The following CNTNAP5 variants were observed in gnomAD, a reference collection of about 807,000 sequenced individuals.
The protein encoded by CNTNAP5 is contactin-associated protein-like 5.
Under a neutral mutation model 150.2 loss-of-function variants are expected in CNTNAP5, and 72 were observed. The ratio of observed to expected loss-of-function variants is 0.48; its 90% CI spans 0.40 to 0.58. The LOEUF (loss-of-function observed/expected upper bound fraction) is 0.58, where lower values mean the gene tolerates loss of function less well. Among genes scored for constraint, CNTNAP5 ranks in the 20% least tolerant of loss-of-function variants. CNTNAP5 has a pLI of 0.00. For synonymous variants in CNTNAP5, 672 were observed against 619.8 expected (o/e 1.08, Z -1.25); for missense variants, 1,636 against 1,626.2 (o/e 1.01, Z -0.10).
chr2:124,239,188 AT>A (rs148569538), intron 2 of CNTNAP5, among the ~76,000 whole-genome samples: 28,285 of 151,874 alleles, frequency 0.19, 2,956 homozygotes, highest in East Asian at 0.35. Context: ...ATCATTCTCT[AT>A]TTTTTTGTTT....
intron 1 of CNTNAP5, among the ~76,000 whole-genome samples, chr2:124,061,020 T>A (rs1681996738): frequency 6.6e-6 from 1 of 152,080 alleles, no homozygotes; most frequent in South Asian, 2.1e-4. Flanking sequence ...ATTTACTGCA[T>A]CAACCAAGAT....
intron 19 of CNTNAP5, among the ~76,000 whole-genome samples, chr2:124,816,828 G>C (rs1466457286): frequency 6.6e-6 from 1 of 152,108 alleles, no homozygotes; most frequent in Non-Finnish European, 1.5e-5. Flanking sequence ...TGTATGTATG[G>C]ATGAGTCTTT....
At chr2:124,190,263 A>G (rs1189879657) in intron 1 of CNTNAP5, among the ~76,000 whole-genome samples, 1 of 152,206 alleles carries the variant, frequency 6.6e-6, no homozygotes, top group East Asian at 1.9e-4. Context: ...ATTGGTAGCA[A>G]TGATGTTTTT....
intron 3 of CNTNAP5, among the ~76,000 whole-genome samples, chr2:124,385,983 A>G (rs1294874319): frequency 6.6e-6 from 1 of 150,512 alleles, no homozygotes; most frequent in African/African-American, 2.4e-5. Context: ...TTGAGCACGT[A>G]GACAACATCG....
At chr2:124,031,820 G>C (rs1005888574) in intron 1 of CNTNAP5, among the ~76,000 whole-genome samples, 1 of 152,110 alleles carries the variant, frequency 6.6e-6, no homozygotes, top group Non-Finnish European at 1.5e-5. Context: ...ACTCAATGGG[G>C]CTTTATTAAT....
Position 124,038,247 on chromosome 2 carries a change from A to G in CNTNAP5, c.82+12515A>G, listed in dbSNP as rs558705516. On this transcript the variant is annotated intron_variant, in intron 1 of 23. Transcript: ENST00000682447. ...CATACCTGCTTTCATTGTCAGCTGT[A>G]TAGAAAACCACAGTAGTAAATGCTT... is the stretch of plus-strand genomic sequence containing the variant. 1.1e-4 allele frequency among the ~76,000 whole-genome samples: 16 copies of G among 152,326 alleles called. No individual in the cohort carries two copies. In the South Asian group the frequency reaches 2.9e-3, roughly 28 times the overall value.
intron 19 of CNTNAP5, among the ~76,000 whole-genome samples, chr2:124,811,213 A>G (rs1042380090): frequency 6.6e-6 from 1 of 152,156 alleles, no homozygotes. Context: ...GGGTGGGCAA[A>G]AGATTATATC....
intron 22 of CNTNAP5, among the ~76,000 whole-genome samples, chr2:124,905,116 G>GTTT (rs144751050): frequency 4.6e-5 from 5 of 108,494 alleles, no homozygotes; most frequent in South Asian, 3.2e-4. Flanking sequence ...GTTTTTTTTT[G>GTTT]TTTTTTTTTG....
At chr2:124,121,754 A>G (rs905268057) in intron 1 of CNTNAP5, among the ~76,000 whole-genome samples, 1 of 152,120 alleles carries the variant, frequency 6.6e-6, no homozygotes, top group Non-Finnish European at 1.5e-5. Context: ...AACCCTCATC[A>G]AGACCTGAAG....
intron 1 of CNTNAP5, among the ~76,000 whole-genome samples, chr2:124,026,124 T>C (rs537208182): frequency 1.3e-5 from 2 of 152,260 alleles, no homozygotes; most frequent in East Asian, 3.9e-4. Context: ...CCGTGCTCGG[T>C]GACAGTGGCT....
At chr2:124,413,153 G>C (rs1691820277) in intron 3 of CNTNAP5, among the ~76,000 whole-genome samples, 2 of 134,020 alleles carry the variant, frequency 1.5e-5, no homozygotes, top group South Asian at 5.0e-4. Flanking sequence ...CTGGCCATCA[G>C]AGAAATGCAA....
chr2:124,622,369 A>G (rs1677636232), intron 12 of CNTNAP5, among the ~76,000 whole-genome samples: 2 of 152,186 alleles, frequency 1.3e-5, no homozygotes, highest in South Asian at 2.1e-4. Context: ...CCAGTCTATC[A>G]TTGGTGGGCA....
At chr2:124,060,913 C>A (rs1242063694) in intron 1 of CNTNAP5, among the ~76,000 whole-genome samples, 1 of 152,128 alleles carries the variant, frequency 6.6e-6, no homozygotes, top group Non-Finnish European at 1.5e-5. Context: ...AAAAAACATG[C>A]AGATACAGTT....
chr2:124,825,647 G>A (rs912903940), intron 19 of CNTNAP5, among the ~76,000 whole-genome samples: 3 of 152,154 alleles, frequency 2.0e-5, no homozygotes, highest in Non-Finnish European at 4.4e-5. Flanking sequence ...AAACACTTGT[G>A]GGAGGGGAGG....
chr2:124,258,464 C>T (rs1687368363), intron 3 of CNTNAP5, among the ~76,000 whole-genome samples: 1 of 152,124 alleles, frequency 6.6e-6, no homozygotes, highest in Non-Finnish European at 1.5e-5. Flanking sequence ...GGTAAAAGAG[C>T]TGGACAAATG....
chr2:124,399,181 C>T (rs546044730), intron 3 of CNTNAP5, among the ~76,000 whole-genome samples: 1 of 152,092 alleles, frequency 6.6e-6, no homozygotes, highest in Admixed American at 6.5e-5. Context: ...GGGCTACTTA[C>T]AATTCAACAG....
At position 124,763,705 on chromosome 2, in the gene CNTNAP5, C is replaced by T. The variant is rs1458148948; in HGVS notation, c.2268C>T (p.Asp756=). Residue 756 remains aspartate (D), a synonymous_variant, in exon 15 of 24, where the codon GAC becomes GAT. Coordinates refer to ENST00000682447, the MANE Select transcript of CNTNAP5 (RefSeq NM_001367498.1). ...ATACTGGCTTTCTTTCCTTCAAAGA[C>T]CACTTGCCTGTCACTCAGATAGTTA... ...TNDTGFLSFK[D]HLPVTQIVIT... 1.9e-6 allele frequency: 3 copies of T among 1,612,708 alleles called. No homozygotes were observed. Among genetic ancestry groups the T allele is most frequent in the East Asian group, 4.5e-5 (2 of 44,756 alleles).
At chr2:124,447,871 T>A (rs1030190135) in intron 6 of CNTNAP5, among the ~76,000 whole-genome samples, 2 of 152,252 alleles carry the variant, frequency 1.3e-5, no homozygotes, top group African/African-American at 4.8e-5. Context: ...TTCAAAAGAA[T>A]AGGCCATCAG....
At chr2:124,860,695 C>T (rs746413168) in intron 19 of CNTNAP5, among the ~76,000 whole-genome samples, 5 of 151,850 alleles carry the variant, frequency 3.3e-5, no homozygotes, top group South Asian at 2.1e-4. Context: ...TTGATTTGTG[C>T]GAGTTAGGCA....
Sources: allele counts gnomAD v4.1 joint callset (sites outside exome capture counted in the v4.1 genomes callset), GRCh38; gene constraint gnomAD v4.1.1; transcripts MANE v1.5; gene names NCBI Gene and HGNC (gene_info 2026-07-23, HGNC 2026-07-21).